CTDP1: variants seen among roughly 807,000 people sequenced by gnomAD.
CTDP1 encodes CTD phosphatase 1.
A neutral mutation model predicts 91.8 loss-of-function variants in CTDP1; 47 were observed. The observed-to-expected ratio is 0.51, with a 90% CI of 0.41 to 0.65. The LOEUF is 0.65. Among genes scored for constraint, CTDP1 ranks in the 30% least tolerant of loss-of-function variants. The pLI, the probability that CTDP1 is intolerant of heterozygous loss-of-function variation, is 0.00. For missense variants in CTDP1, 1,272 were observed against 1,373.7 expected (o/e 0.93, Z 1.17); for synonymous variants, 656 against 598.5 (o/e 1.10, Z -1.40).
At position 79,714,856 on chromosome 18, in the gene CTDP1, G is replaced by A; in HGVS notation, c.1396G>A (p.Gly466Ser). ...SDSESSSESE[G>S]TKSSSSASDG... is the part of the protein sequence containing the mutation. ...CAGCGAGAGCAGCAGTGAGTCCGAG[G>A]GCACGAAGTCCTCCTCCTCCGCCTC... is the stretch of plus-strand genomic sequence containing the variant. Residue 466 changes from glycine to serine, a missense_variant, in exon 8 of 13, where the codon GGC becomes AGC. Physicochemically the swap from Gly to Ser is moderately conservative, Grantham distance 56. Coordinates refer to ENST00000613122, the MANE Select transcript of CTDP1 (RefSeq NM_004715.5). The A allele has an allele frequency of 1.3e-6, 2 of 1,589,386 alleles. No homozygotes were observed. Among genetic ancestry groups the A allele is most frequent in the Non-Finnish European group, 1.7e-6 (2 of 1,168,960 alleles).
chr18:79,754,163 C>G lies in CTDP1; in HGVS notation c.*373C>G, dbSNP rs2087058887. 8.6e-6 allele frequency: 3 copies of G among 350,332 alleles called. No individual in the cohort carries two copies. In the Admixed American group the frequency reaches 1.2e-4, roughly 14 times the overall value. 21.7% of individuals were successfully genotyped at this position (350,332 alleles called of 1,614,324 possible). The stretch of plus-strand genomic sequence containing the variant: ...CTTTGGGGGTCCCACGAGACATGGA[C>G]TAGGAGTTTAAGCAGGACAGTGTGC... On this transcript the variant is annotated 3_prime_UTR_variant, in exon 13 of 13. Transcript: ENST00000613122.
At chr18:79,705,055 G>A in intron 5 of CTDP1, 138 bp downstream of exon 5, 1 of 1,374,948 alleles carries the variant, frequency 7.3e-7, no homozygotes, top group Non-Finnish European at 1.0e-6. Context: ...CCGTTGTGCA[G>A]GGGGTTGTGA....
upstream of CTDP1, chr18:79,678,894 G>C (rs2085291631): frequency 5.6e-6 from 1 of 178,162 alleles, no homozygotes; most frequent in African/African-American, 2.4e-5. Context: ...GCGCAGGCTG[G>C]TCTCCAACTC....
At chr18:79,698,841 C>T (rs1009881547) in intron 4 of CTDP1, among the ~76,000 whole-genome samples, 5 of 152,138 alleles carry the variant, frequency 3.3e-5, no homozygotes, top group Admixed American at 3.3e-4. Flanking sequence ...ACCACGGAGC[C>T]GGGCATCCTC....
At chr18:79,708,016 G>A (rs535338040) in intron 5 of CTDP1, among the ~76,000 whole-genome samples, 1 of 152,274 alleles carries the variant, frequency 6.6e-6, no homozygotes, top group South Asian at 2.1e-4. Flanking sequence ...GTGATCATCT[G>A]GAATTTACGC....
intron 4 of CTDP1, among the ~76,000 whole-genome samples, chr18:79,702,115 T>G (rs1292918669): frequency 6.6e-6 from 1 of 152,216 alleles, no homozygotes; most frequent in Admixed American, 6.5e-5. Flanking sequence ...AGTTCTTCTG[T>G]GGGTAAAACG....
intron 10 of CTDP1, among the ~76,000 whole-genome samples, chr18:79,719,348 G>A (rs1318161111): frequency 1.3e-5 from 2 of 152,118 alleles, no homozygotes; most frequent in Non-Finnish European, 2.9e-5. Flanking sequence ...CGGGCAGCTG[G>A]GCCGGTGCGG....
chr18:79,733,322 C>T (rs1196282266), intron 11 of CTDP1, among the ~76,000 whole-genome samples: 1 of 152,218 alleles, frequency 6.6e-6, no homozygotes, highest in Non-Finnish European at 1.5e-5. Flanking sequence ...ACCCGCCTGT[C>T]TCAGCCAGCT....
chr18:79,730,346 C>G (rs1431816814), intron 11 of CTDP1, among the ~76,000 whole-genome samples: 2 of 152,222 alleles, frequency 1.3e-5, no homozygotes, highest in Non-Finnish European at 2.9e-5. Context: ...GCTGCCTCTT[C>G]CTGCCTGGAA....
chr18:79,693,104 GAC>G (rs1294288965), intron 1 of CTDP1, among the ~76,000 whole-genome samples: 3 of 152,246 alleles, frequency 2.0e-5, no homozygotes, highest in Non-Finnish European at 4.4e-5. Flanking sequence ...TGGCGGTAGG[GAC>G]ACAGACTCCT....
chr18:79,753,952 TTTTTAAGAAGTTTTA>T lies in CTDP1; in HGVS notation c.*163_*177del. ...ACACATTATTTTGCAGAAATAGGTG[TTTTTAAGAAGTTTTA>T]CTACAGGAATGTCTACTTTTGTAAG... On this transcript the variant is annotated 3_prime_UTR_variant, in exon 13 of 13. Coordinates refer to ENST00000613122, the MANE Select transcript of CTDP1 (RefSeq NM_004715.5). 9.8e-7 allele frequency: 1 copy of T among 1,018,182 alleles called. No homozygotes were observed. The highest frequency in any genetic ancestry group is 1.4e-6 in the Non-Finnish European group (1 of 703,700). The allele number at this position is 1,018,182 out of a possible 1,614,324, so 63.1% of individuals were successfully genotyped here.
Position 79,714,228 on chromosome 18 carries a change from T to C in CTDP1, c.1031-263T>C, listed in dbSNP as rs529195. On this transcript the variant is annotated intron_variant, in intron 7 of 12. Transcript: ENST00000613122. Reference sequence around the variant, plus strand: ...ACTCATTAGGGTATTTTGGATTTTTTGGATTGGGGATGTTCAGCTGGTAAG... The same window carrying C: ...ACTCATTAGGGTATTTTGGATTTTTCGGATTGGGGATGTTCAGCTGGTAAG... Among the ~76,000 whole-genome samples the C allele has an allele frequency of 0.76, 115,900 of 152,068 alleles. 44,423 individuals are homozygous for C. Among genetic ancestry groups the C allele is most frequent in the Middle Eastern group, 0.79 (233 of 294 alleles).
intron 4 of CTDP1, among the ~76,000 whole-genome samples, chr18:79,701,108 A>T (rs1421760776): frequency 1.3e-5 from 2 of 152,228 alleles, no homozygotes; most frequent in Non-Finnish European, 2.9e-5. Flanking sequence ...AAGAGCTCTG[A>T]TGGAGACGTA....
intron 5 of CTDP1, 80 bp downstream of exon 5, chr18:79,704,997 A>C (rs943794604): frequency 6.3e-7 from 1 of 1,590,410 alleles, no homozygotes; most frequent in East Asian, 2.2e-5. Flanking sequence ...TTAAAGATGA[A>C]GAAAGAAAAG....
In CTDP1 at chr18:79,680,153, C is replaced by A. The variant is rs771395058; in HGVS notation, c.206C>A (p.Ala69Asp). ...TCCGGGGCCTCTCAGTCCCGTGTAG[C>A]CTCCGGGGGCTGCGTGCGCCCCGCG... is the stretch of plus-strand genomic sequence containing the variant. ...QSSGASQSRVASGGCVRPARP... is the reference protein window; with the variant it reads ...QSSGASQSRVDSGGCVRPARP... Residue 69 changes from alanine (A) to aspartate (D), a missense_variant, in exon 1 of 13, where the codon GCC becomes GAC. Transcript: ENST00000613122. 6.7e-5 allele frequency: 95 copies of A among 1,409,980 alleles called. No homozygotes were observed. The African/African-American group carries it at 1.3e-3, about 19-fold the overall frequency. 87.3% of individuals were successfully genotyped at this position (1,409,980 alleles called of 1,614,324 possible). A position where few individuals can be genotyped will look rare whatever the true frequency, so the allele number is the denominator to read the frequency against.
intron 10 of CTDP1, among the ~76,000 whole-genome samples, chr18:79,720,440 G>T (rs2086318871): frequency 6.6e-6 from 1 of 150,974 alleles, no homozygotes; most frequent in Admixed American, 6.6e-5. Flanking sequence ...CTCCCATCGT[G>T]TCCTGGTGAT....
intron 1 of CTDP1, among the ~76,000 whole-genome samples, chr18:79,682,865 C>G (rs1319323869): frequency 6.6e-6 from 1 of 152,198 alleles, no homozygotes; most frequent in Non-Finnish European, 1.5e-5. Flanking sequence ...TAATTCCATC[C>G]TGATGTTGGA....
chr18:79,742,289 A>G, intron 12 of CTDP1, among the ~76,000 whole-genome samples: 1 of 151,482 alleles, frequency 6.6e-6, no homozygotes, highest in Admixed American at 6.6e-5. Context: ...TCCACGAGAG[A>G]GAGGCCTGAG....
intron 5 of CTDP1, among the ~76,000 whole-genome samples, chr18:79,709,739 A>G (rs189810099): frequency 2.0e-4 from 31 of 152,352 alleles, no homozygotes; most frequent in Admixed American, 4.6e-4. Flanking sequence ...TGCCTAAATT[A>G]CCATTATTAA....
Sources: gnomAD v4.1 joint callset for allele counts (sites outside exome capture counted in the v4.1 genomes callset) on GRCh38, gnomAD v4.1.1 for gene constraint, MANE v1.5 for transcripts, NCBI Gene and HGNC (gene_info 2026-07-23, HGNC 2026-07-21) for gene names.